The following ST8SIA2 variants were observed in gnomAD, a reference collection of about 807,000 sequenced individuals.
ST8SIA2 encodes ST8 alpha-N-acetyl-neuraminide alpha-2,8-sialyltransferase 2.
Under a neutral mutation model 37.6 loss-of-function variants are expected in ST8SIA2, and 22 were observed. The observed-to-expected ratio is 0.58, with a 90% CI of 0.42 to 0.83. ST8SIA2 has a LOEUF of 0.83. Among genes scored for constraint, ST8SIA2 ranks in the 40% least tolerant of loss-of-function variants. ST8SIA2 has a pLI of 0.00. For missense variants in ST8SIA2, 382 were observed against 484.7 expected (o/e 0.79, Z 1.99); for synonymous variants, 205 against 201.2 (o/e 1.02, Z -0.16).
chr15:92,439,342 A>G (rs2049784337), intron 4 of ST8SIA2, among the ~76,000 whole-genome samples: 1 of 152,238 alleles, frequency 6.6e-6, no homozygotes, highest in Non-Finnish European at 1.5e-5. Flanking sequence ...CTAAAATATC[A>G]GCTCTCATTT....
intron 2 of ST8SIA2, among the ~76,000 whole-genome samples, chr15:92,433,072 G>A (rs1230821254): frequency 2.0e-5 from 3 of 151,932 alleles, no homozygotes; most frequent in Non-Finnish European, 2.9e-5. Context: ...GGAGGTTGCA[G>A]TGAGCTGAGA....
At chr15:92,448,781 C>T (rs2141842299) in intron 5 of ST8SIA2, among the ~76,000 whole-genome samples, 1 of 152,260 alleles carries the variant, frequency 6.6e-6, no homozygotes, top group Middle Eastern at 3.4e-3. Context: ...GAATTTAAGA[C>T]AGGACTCTGT....
At chr15:92,455,136 A>G (rs1245516038) in intron 5 of ST8SIA2, among the ~76,000 whole-genome samples, 1 of 152,160 alleles carries the variant, frequency 6.6e-6, no homozygotes, top group Non-Finnish European at 1.5e-5. Flanking sequence ...AGAGACCAGC[A>G]CAGGTTGCTG....
At chr15:92,443,876 T>A (rs1218768314) in intron 4 of ST8SIA2, among the ~76,000 whole-genome samples, 3 of 152,020 alleles carry the variant, frequency 2.0e-5, no homozygotes, top group African/African-American at 7.3e-5. Flanking sequence ...TGAATCAGAA[T>A]CTCCAGCCGA....
At chr15:92,428,751 G>A (rs1184915487) in intron 1 of ST8SIA2, among the ~76,000 whole-genome samples, 1 of 152,230 alleles carries the variant, frequency 6.6e-6, no homozygotes, top group East Asian at 1.9e-4. Flanking sequence ...CTTTGTAATT[G>A]AGAACTAGAT....
At chr15:92,397,351 GAGGGGC>G (rs1378825222) in intron 1 of ST8SIA2, among the ~76,000 whole-genome samples, 1 of 152,106 alleles carries the variant, frequency 6.6e-6, no homozygotes, top group Admixed American at 6.5e-5. Flanking sequence ...ATCATGAATT[GAGGGGC>G]AGGGCTTTCT....
chr15:92,425,988 CA>C (rs1309768546), intron 1 of ST8SIA2, among the ~76,000 whole-genome samples: 1 of 152,042 alleles, frequency 6.6e-6, no homozygotes, highest in Non-Finnish European at 1.5e-5. Flanking sequence ...CCCCAGATGT[CA>C]AAGCATTGGA....
intron 5 of ST8SIA2, among the ~76,000 whole-genome samples, chr15:92,460,675 C>T (rs1419549195): frequency 6.6e-6 from 1 of 152,238 alleles, no homozygotes; most frequent in Non-Finnish European, 1.5e-5. Context: ...TTCCTCCTGC[C>T]TCCTACATAT....
chr15:92,424,913 G>A (rs1170846120), intron 1 of ST8SIA2, among the ~76,000 whole-genome samples: 4 of 152,168 alleles, frequency 2.6e-5, no homozygotes, highest in East Asian at 1.9e-4. Context: ...CTTTAAAGTC[G>A]TCAACCTCTA....
chr15:92,415,106 T>C (rs2049577572), intron 1 of ST8SIA2, among the ~76,000 whole-genome samples: 1 of 152,168 alleles, frequency 6.6e-6, no homozygotes, highest in African/African-American at 2.4e-5. Context: ...TGGCTTCCTC[T>C]TCCTATTCTA....
In ST8SIA2 at chr15:92,436,817, G is replaced by A. The variant is rs551358370; in HGVS notation, c.291-1536G>A. Among the ~76,000 whole-genome samples the A allele has an allele frequency of 1.3e-4, 20 of 152,284 alleles. No individual in the cohort carries two copies. In the South Asian group the frequency reaches 1.5e-3, roughly 11 times the overall value. Reference sequence around the variant, plus strand: ...AATAAGGAAAGACAATGGATGAGACGCGCCGAGCTTACCAAGTGTTCTAGC... The same window carrying A: ...AATAAGGAAAGACAATGGATGAGACACGCCGAGCTTACCAAGTGTTCTAGC... On this transcript the variant is annotated intron_variant, in intron 3 of 5. Transcript: ENST00000268164.
At chr15:92,404,474 C>T (rs894558491) in intron 1 of ST8SIA2, among the ~76,000 whole-genome samples, 7 of 151,942 alleles carry the variant, frequency 4.6e-5, no homozygotes, top group African/African-American at 1.5e-4. Flanking sequence ...AAAAATTTAA[C>T]GTAGAATTAC....
At chr15:92,434,010 G>A (rs2049736297) in intron 2 of ST8SIA2, among the ~76,000 whole-genome samples, 1 of 152,054 alleles carries the variant, frequency 6.6e-6, no homozygotes. Context: ...AGGGGAAGAA[G>A]AATAAGTTTA....
intron 5 of ST8SIA2, among the ~76,000 whole-genome samples, chr15:92,450,249 C>T (rs2049872409): frequency 6.6e-6 from 1 of 152,134 alleles, no homozygotes; most frequent in Admixed American, 6.5e-5. Flanking sequence ...AGCTCAACAA[C>T]AAAAAACCCA....
intron 3 of ST8SIA2, 84 bp downstream of exon 3, chr15:92,434,459 A>G: frequency 3.1e-6 from 5 of 1,589,888 alleles, no homozygotes; most frequent in South Asian, 2.2e-5. Flanking sequence ...CATCTAAAGA[A>G]GTCAGGATAG....
intron 4 of ST8SIA2, among the ~76,000 whole-genome samples, chr15:92,439,258 T>C (rs955810893): frequency 6.6e-6 from 1 of 150,472 alleles, no homozygotes; most frequent in African/African-American, 2.4e-5. Context: ...GTGACTTTAT[T>C]ACCCTGTTCT....
intron 2 of ST8SIA2, among the ~76,000 whole-genome samples, chr15:92,432,095 C>T (rs1402474445): frequency 1.3e-5 from 2 of 152,122 alleles, no homozygotes; most frequent in Non-Finnish European, 2.9e-5. Flanking sequence ...ATCCAGTGTG[C>T]CCCAGTCTCT....
At chr15:92,396,540 A>C (rs12909593) in intron 1 of ST8SIA2, among the ~76,000 whole-genome samples, 11,808 of 149,018 alleles carry the variant, frequency 0.079, 561 homozygotes, top group Middle Eastern at 0.17. Flanking sequence ...GTCGCCCAGG[A>C]TGGAGTGCAG....
intron 1 of ST8SIA2, among the ~76,000 whole-genome samples, chr15:92,403,589 C>T (rs933588780): frequency 6.6e-6 from 1 of 152,138 alleles, no homozygotes; most frequent in African/African-American, 2.4e-5. Flanking sequence ...TTTTGAAAAT[C>T]GGCTGCACGC....
Sources: gnomAD v4.1 joint callset for allele counts (sites outside exome capture counted in the v4.1 genomes callset) on GRCh38, gnomAD v4.1.1 for gene constraint, MANE v1.5 for transcripts, NCBI Gene and HGNC (gene_info 2026-07-23, HGNC 2026-07-21) for gene names.